FKBP15: variants seen among roughly 807,000 people sequenced by gnomAD.
FKBP15 encodes the protein FKBP prolyl isomerase family member 15, also known as FK506-binding protein 15.
A neutral mutation model predicts 158.1 loss-of-function variants in FKBP15; 106 were observed. The observed-to-expected ratio is 0.67, with a 90% CI of 0.57 to 0.79. The LOEUF is 0.79. FKBP15 is among the 30% of genes least tolerant of loss of function. FKBP15 has a pLI of 0.00. For missense variants in FKBP15, 1,287 were observed against 1,479.1 expected, an observed-to-expected ratio of 0.87 and a Z score of 2.13; for synonymous variants, 547 against 548.6, an observed-to-expected ratio of 1.00 and a Z score of 0.04.
chr9:113,221,056 G>A, intron 1 of FKBP15, 135 bp downstream of exon 1: 1 of 923,886 alleles, frequency 1.1e-6, no homozygotes, highest in East Asian at 2.7e-5. Flanking sequence ...ATTCTGAGAG[G>A]TGTAGAGCAC....
intron 2 of FKBP15, among the ~76,000 whole-genome samples, chr9:113,210,214 C>CT (rs1288244027): frequency 6.6e-6 from 1 of 152,100 alleles, no homozygotes; most frequent in Non-Finnish European, 1.5e-5. Flanking sequence ...GCACTCACCA[C>CT]TGGGGGTGAG....
chr9:113,171,770 G>T, intron 23 of FKBP15, 64 bp from the exon 24 acceptor site: 1 of 1,328,588 alleles, frequency 7.5e-7, no homozygotes. Context: ...AAACCCAAGG[G>T]GAGGAGAACC....
chr9:113,167,906 G>C (rs10981663), intron 27 of FKBP15, among the ~76,000 whole-genome samples: 70,965 of 151,968 alleles, frequency 0.47, 17,107 homozygotes, highest in Non-Finnish European at 0.52. Context: ...TTTGTGCCCA[G>C]GGATATTGTG....
At chr9:113,202,184 C>T (rs1177631479) in intron 6 of FKBP15, among the ~76,000 whole-genome samples, 1 of 151,972 alleles carries the variant, frequency 6.6e-6, no homozygotes, top group Non-Finnish European at 1.5e-5. Flanking sequence ...GTGGCATGAA[C>T]CACCACACCC....
chr9:113,193,877 C>G, intron 10 of FKBP15, 150 bp downstream of exon 10: 1 of 907,276 alleles, frequency 1.1e-6, no homozygotes, highest in Non-Finnish European at 1.5e-6. Flanking sequence ...TCAGAAAAAT[C>G]TGATGCAAGT....
Position 113,178,790 on chromosome 9 carries a change from T to C in FKBP15, c.1926A>G (p.Thr642=), listed in dbSNP as rs762959561. Reference sequence around the variant, plus strand: ...GTGCAGTGGCCGCTGCTAACTCCTCTGTCACCTTGGCCTGAATAATAACAA... The same window carrying C: ...GTGCAGTGGCCGCTGCTAACTCCTCCGTCACCTTGGCCTGAATAATAACAA... ...LHAEQEKAKV[T]EELAAATAQV... The change falls in exon 20 of 28, where the codon ACA becomes ACG. Residue 642 remains threonine (T), a synonymous_variant. Coordinates refer to ENST00000238256, the MANE Select transcript of FKBP15 (RefSeq NM_015258.2). 2 of 1,606,660 alleles carry C rather than the reference T, an allele frequency of 1.2e-6. No individual in the cohort carries two copies. The highest frequency in any genetic ancestry group is 1.3e-5 in the African/African-American group (1 of 74,782).
chr9:113,168,231 G>T (rs920252424), intron 27 of FKBP15, among the ~76,000 whole-genome samples: 3 of 151,736 alleles, frequency 2.0e-5, no homozygotes, highest in Non-Finnish European at 4.4e-5. Flanking sequence ...ATTCCTGCAT[G>T]GACAGAGACT....
Position 113,183,837 on chromosome 9 carries a change from T to G in FKBP15, c.1725A>C (p.Glu575Asp). The G allele has an allele frequency of 6.2e-7, 1 of 1,611,690 alleles. No individual in the cohort carries two copies. Among genetic ancestry groups the G allele is most frequent in the Non-Finnish European group, 8.5e-7 (1 of 1,178,150 alleles). Residue 575 changes from glutamate to aspartate, a missense_variant, in exon 18 of 28, where the codon GAA (glutamate) becomes GAC (aspartate). By Grantham distance (45) the Glu-to-Asp change is conservative (BLOSUM62 2). Coordinates refer to ENST00000238256, the MANE Select transcript of FKBP15 (RefSeq NM_015258.2). ...SNIQRIIQENERLKQEILEKS... is the reference protein window; with the variant it reads ...SNIQRIIQENDRLKQEILEKS... ...TTTCAAGGATCTCTTGCTTCAATCT[T>G]TCATTTTCCTAATTTCAAAATATAT...
chr9:113,184,915 T>A lies in FKBP15; in HGVS notation c.1499-111A>T. On this transcript the variant is annotated intron_variant, in intron 15 of 27. Coordinates refer to ENST00000238256, the MANE Select transcript of FKBP15 (RefSeq NM_015258.2). The surrounding 1 kb of genome is among the most constrained non-coding windows in gnomAD (Gnocchi z 4.5). ...GAAAGAAATTAATACTTCCATACAC[T>A]AGGAAATGCTATAGGTGACTTCACC... 1.2e-6 allele frequency: 1 copy of A among 808,544 alleles called. No homozygotes were observed. The highest frequency in any genetic ancestry group is 2.0e-6 in the Non-Finnish European group (1 of 509,018). The allele number at this position is 808,544 out of a possible 1,614,324, so 50.1% of individuals were successfully genotyped here. A position where few individuals can be genotyped will look rare whatever the true frequency, so the allele number is the denominator to read the frequency against.
Position 113,161,456 on chromosome 9 carries a change from A to G in FKBP15, c.*4622T>C. 3.2e-6 allele frequency: 5 copies of G among 1,539,174 alleles called. No individual in the cohort carries two copies. Among genetic ancestry groups the G allele is most frequent in the Non-Finnish European group, 4.5e-6 (5 of 1,118,400 alleles). ...TCCATGAACAGGTGGAGGTGCTGGA[A>G]GGGAAACAGTGCTGGCCTGGCCAGG... On this transcript the variant is annotated 3_prime_UTR_variant, in exon 28 of 28. Coordinates refer to ENST00000238256, the MANE Select transcript of FKBP15 (RefSeq NM_015258.2).
Position 113,221,226 on chromosome 9 carries a change from G to T in FKBP15, c.18C>A (p.Asp6Glu). Residue 6 changes from aspartate to glutamate, a missense_variant, in exon 1 of 28, where the codon GAC becomes GAA. Asp to Glu is a conservative substitution (Grantham distance 45). Transcript: ENST00000238256. MFGAG[D>E]EDDTDFLSPS... is the part of the protein sequence containing the mutation. Reference sequence around the variant, plus strand: ...GCGAGAGGAAATCGGTGTCGTCCTCGTCCCCCGCACCGAACATTGCGTTGG... The same window carrying T: ...GCGAGAGGAAATCGGTGTCGTCCTCTTCCCCCGCACCGAACATTGCGTTGG... 1.2e-6 allele frequency: 2 copies of T among 1,609,360 alleles called. No individual in the cohort carries two copies. Among genetic ancestry groups the T allele is most frequent in the African/African-American group, 2.7e-5 (2 of 74,918 alleles).
At chr9:113,202,756 T>C in intron 5 of FKBP15, 127 bp from the exon 6 acceptor site, 1 of 806,540 alleles carries the variant, frequency 1.2e-6, no homozygotes, top group East Asian at 2.7e-5. Context: ...AGATCTTTCT[T>C]CTTCCCTCTC....
rs1830617486 is a variant in FKBP15, at chr9:113,193,683, C to T, written c.1008-134G>A. ...ACTGTAAAACAGAATTTTAACTCTT[C>T]TTTAGTTTGCATAATCTTTGAATGC... On this transcript the variant is annotated intron_variant, in intron 10 of 27. Transcript: ENST00000238256. The T allele has an allele frequency of 6.8e-6, 5 of 734,884 alleles. No individual in the cohort carries two copies. In the Admixed American group the frequency reaches 9.5e-5, roughly 14 times the overall value. 45.5% of individuals were successfully genotyped at this position (734,884 alleles called of 1,614,324 possible).
intron 20 of FKBP15, among the ~76,000 whole-genome samples, chr9:113,178,415 A>G (rs1403748882): frequency 6.6e-6 from 1 of 152,234 alleles, no homozygotes; most frequent in African/African-American, 2.4e-5. Flanking sequence ...ACAAAAGGGA[A>G]CTGTGGCACT....
chr9:113,185,623 A>AT (rs1352633520), intron 15 of FKBP15, among the ~76,000 whole-genome samples: 1 of 152,144 alleles, frequency 6.6e-6, no homozygotes, highest in Non-Finnish European at 1.5e-5. Context: ...TCTTGGTTTG[A>AT]TTTTTTTACA....
chr9:113,170,090 C>T, intron 25 of FKBP15, 148 bp from the exon 26 acceptor site: 1 of 1,081,626 alleles, frequency 9.2e-7, no homozygotes, highest in Non-Finnish European at 1.3e-6. Flanking sequence ...TCACTCCAGG[C>T]ATCCTAATTA....
At chr9:113,196,235 C>G (rs535623904) in intron 9 of FKBP15, among the ~76,000 whole-genome samples, 1 of 151,970 alleles carries the variant, frequency 6.6e-6, no homozygotes, top group Non-Finnish European at 1.5e-5. Flanking sequence ...CGTAGTAAAA[C>G]GTACACACAC....
At chr9:113,196,499 T>C (rs926120681) in intron 9 of FKBP15, among the ~76,000 whole-genome samples, 2 of 151,238 alleles carry the variant, frequency 1.3e-5, no homozygotes, top group Non-Finnish European at 2.9e-5. Flanking sequence ...TTCTCCTGCC[T>C]CAGCCTCCCA....
At position 113,161,747 on chromosome 9, in the gene FKBP15, G is replaced by A. The variant is rs757966403; in HGVS notation, c.*4331C>T. The A allele has an allele frequency of 4.4e-6, 7 of 1,593,108 alleles. No individual in the cohort carries two copies. Among genetic ancestry groups the A allele is most frequent in the Non-Finnish European group, 6.0e-6 (7 of 1,163,424 alleles). ...GGGGCAGAAGCCTCACATTCACCCT[G>A]AGAGACAGGCTGGCCCAGACAGCAT... On this transcript the variant is annotated 3_prime_UTR_variant, in exon 28 of 28. Coordinates refer to ENST00000238256, the MANE Select transcript of FKBP15 (RefSeq NM_015258.2).
Sources: allele counts gnomAD v4.1 joint callset (sites outside exome capture counted in the v4.1 genomes callset), GRCh38; gene constraint gnomAD v4.1.1; non-coding constraint Gnocchi (gnomAD v3.1); transcripts MANE v1.5; gene names NCBI Gene and HGNC (gene_info 2026-07-23, HGNC 2026-07-21).